The following SLC25A13 variants were observed in gnomAD, a reference collection of about 807,000 sequenced individuals.
SLC25A13 encodes the protein electrogenic aspartate/glutamate antiporter SLC25A13, mitochondrial.
SLC25A13 carries 70 observed loss-of-function variants against 85.5 expected under a neutral mutation model. The observed-to-expected ratio is 0.82, with a 90% CI of 0.68 to 1.00. The LOEUF (loss-of-function observed/expected upper bound fraction) is 1.00, where lower values mean the gene tolerates loss of function less well. Ranked by LOEUF, SLC25A13 falls within the 50% of genes least tolerant of loss-of-function variation. SLC25A13 has a pLI of 0.00. For missense variants in SLC25A13, 765 were observed against 819.8 expected (o/e 0.93, Z 0.82); for synonymous variants, 259 against 288.7 (o/e 0.90, Z 1.04).
chr7:96,166,686 T>C lies in SLC25A13; in HGVS notation c.1311+3359A>G, dbSNP rs565259191. Among the ~76,000 whole-genome samples, 222 of 152,306 alleles carry C rather than the reference T, an allele frequency of 1.5e-3. 1 individual carries two copies. The highest frequency in any genetic ancestry group is 5.1e-3 in the African/African-American group (214 of 41,574). On this transcript the variant is annotated intron_variant, in intron 13 of 17. Transcript: ENST00000265631. ...GCATTACATACATTATTTTTTATTTTTTTCTTAAAGTAACAGCAAAAAAGC... is the reference window on the plus strand; with the variant it reads ...GCATTACATACATTATTTTTTATTTCTTTCTTAAAGTAACAGCAAAAAAGC...
chr7:96,155,698 C>A (rs1311367486), intron 13 of SLC25A13, among the ~76,000 whole-genome samples: 2 of 152,188 alleles, frequency 1.3e-5, no homozygotes, highest in South Asian at 4.1e-4. Flanking sequence ...TGAATAACTA[C>A]GGCCCTGCAA....
At chr7:96,164,267 T>A (rs1308197590) in intron 13 of SLC25A13, among the ~76,000 whole-genome samples, 1 of 152,154 alleles carries the variant, frequency 6.6e-6, no homozygotes, top group Non-Finnish European at 1.5e-5. Context: ...CTCACGCAGA[T>A]ATGCCATGTG....
At chr7:96,262,713 C>G (rs148459383) in intron 3 of SLC25A13, among the ~76,000 whole-genome samples, 121 of 152,228 alleles carry the variant, frequency 7.9e-4, no homozygotes, top group African/African-American at 2.9e-3. Flanking sequence ...GCAAAGTTCT[C>G]GTGCAAAGCT....
chr7:96,286,164 G>A (rs1798877590), intron 2 of SLC25A13, among the ~76,000 whole-genome samples: 1 of 151,564 alleles, frequency 6.6e-6, no homozygotes, highest in African/African-American at 2.4e-5. Context: ...GGCGCCTGTA[G>A]TCCCAGCTAC....
intron 2 of SLC25A13, among the ~76,000 whole-genome samples, chr7:96,295,060 T>G (rs1452089294): frequency 2.0e-5 from 3 of 152,162 alleles, no homozygotes; most frequent in South Asian, 4.1e-4. Context: ...AAATGTTTTA[T>G]TATGAACATG....
In SLC25A13 at chr7:96,121,987, T is replaced by G; in HGVS notation, c.1602A>C (p.Ala534=). The G allele has an allele frequency of 6.2e-7, 1 of 1,614,190 alleles. No individual in the cohort carries two copies. The highest frequency in any genetic ancestry group is 8.5e-7 in the Non-Finnish European group (1 of 1,180,034). Residue 534 remains alanine (A), a synonymous_variant, in exon 16 of 18, where the codon GCA becomes GCC. Coordinates refer to ENST00000265631, the MANE Select transcript of SLC25A13 (RefSeq NM_014251.3). ...LLAGAIAGMP[A]ASLVTPADVI... Reference sequence around the variant, plus strand: ...CATCAGCAGGGGTCACTAAAGATGCTGCAGGCATACCTGCAGGAGAGACAC... The same window carrying G: ...CATCAGCAGGGGTCACTAAAGATGCGGCAGGCATACCTGCAGGAGAGACAC...
chr7:96,152,235 A>G (rs1170670625), intron 13 of SLC25A13, among the ~76,000 whole-genome samples: 1 of 152,152 alleles, frequency 6.6e-6, no homozygotes, highest in Non-Finnish European at 1.5e-5. Context: ...CATTCTGGAG[A>G]TGGTCTGTGC....
intron 3 of SLC25A13, among the ~76,000 whole-genome samples, chr7:96,249,150 A>G (rs1797317686): frequency 6.6e-6 from 1 of 152,158 alleles, no homozygotes; most frequent in Non-Finnish European, 1.5e-5. Flanking sequence ...CATTTTTTGT[A>G]AAAAAGACAA....
chr7:96,143,579 G>A (rs1792656450), intron 14 of SLC25A13, among the ~76,000 whole-genome samples: 1 of 151,942 alleles, frequency 6.6e-6, no homozygotes, highest in South Asian at 2.1e-4. Flanking sequence ...TTTTAGAGGG[G>A]GGCTTTATTT....
intron 5 of SLC25A13, among the ~76,000 whole-genome samples, chr7:96,203,740 A>G (rs1043220549): frequency 3.9e-5 from 6 of 152,196 alleles, no homozygotes; most frequent in Admixed American, 6.5e-5. Flanking sequence ...TAAAATAGAT[A>G]CCCAAGATTA....
At chr7:96,154,910 G>C (rs1793200848) in intron 13 of SLC25A13, among the ~76,000 whole-genome samples, 1 of 151,546 alleles carries the variant, frequency 6.6e-6, no homozygotes, top group Non-Finnish European at 1.5e-5. Flanking sequence ...TGATTCTCGT[G>C]CCTCAGCCTC....
intron 1 of SLC25A13, among the ~76,000 whole-genome samples, chr7:96,299,908 TG>T (rs1799490450): frequency 6.6e-6 from 1 of 152,114 alleles, no homozygotes; most frequent in Non-Finnish European, 1.5e-5. Context: ...AGAAAAGGTG[TG>T]GTAAAAATAT....
intron 3 of SLC25A13, among the ~76,000 whole-genome samples, chr7:96,266,756 G>T (rs563738027): frequency 1.4e-4 from 22 of 152,216 alleles, no homozygotes; most frequent in Admixed American, 5.2e-4. Context: ...CCTGCCCCAT[G>T]ATTTCAGACA....
At chr7:96,263,934 C>T (rs1393398751) in intron 3 of SLC25A13, among the ~76,000 whole-genome samples, 1 of 152,126 alleles carries the variant, frequency 6.6e-6, no homozygotes, top group Middle Eastern at 3.2e-3. Context: ...AAACACATCC[C>T]AATTGATCAA....
At chr7:96,273,319 A>G (rs1053491897) in intron 3 of SLC25A13, among the ~76,000 whole-genome samples, 3 of 152,060 alleles carry the variant, frequency 2.0e-5, no homozygotes, top group Non-Finnish European at 2.9e-5. Flanking sequence ...CAATCAAAAA[A>G]CAAAAAAAGA....
At position 96,196,053 on chromosome 7, in the gene SLC25A13, G is replaced by A. The variant is rs1795049451; in HGVS notation, c.469-2870C>T. On this transcript the variant is annotated intron_variant, in intron 5 of 17. Coordinates refer to ENST00000265631, the MANE Select transcript of SLC25A13 (RefSeq NM_014251.3). ...AGAATGCTTTAGATGTATAGTAGGT[G>A]CTCAATAAATGACAGGCATTCTCAT... 2.6e-5 allele frequency among the ~76,000 whole-genome samples: 4 copies of A among 152,302 alleles called. No individual in the cohort carries two copies. The Middle Eastern group carries it at 0.01, about 389-fold the overall frequency.
At chr7:96,256,914 C>T (rs566379484) in intron 3 of SLC25A13, among the ~76,000 whole-genome samples, 1 of 152,332 alleles carries the variant, frequency 6.6e-6, no homozygotes, top group Non-Finnish European at 1.5e-5. Flanking sequence ...AAGAAATTCA[C>T]TCAAAACCAC....
intron 13 of SLC25A13, among the ~76,000 whole-genome samples, chr7:96,158,802 C>T (rs958626134): frequency 1.3e-5 from 2 of 152,112 alleles, no homozygotes; most frequent in East Asian, 1.9e-4. Context: ...AAGACGAATA[C>T]ACAAGTGATG....
At chr7:96,313,778 T>A (rs1800032326) in intron 1 of SLC25A13, among the ~76,000 whole-genome samples, 1 of 152,160 alleles carries the variant, frequency 6.6e-6, no homozygotes, top group East Asian at 1.9e-4. Flanking sequence ...TGAAATTATT[T>A]TTTAAAATGT....
Sources: gnomAD v4.1 joint callset for allele counts (sites outside exome capture counted in the v4.1 genomes callset) on GRCh38, gnomAD v4.1.1 for gene constraint, MANE v1.5 for transcripts, NCBI Gene and HGNC (gene_info 2026-07-23, HGNC 2026-07-21) for gene names.